UGGT2: variants seen among roughly 807,000 people sequenced by gnomAD.
UGGT2 encodes UDP-glucose glycoprotein glucosyltransferase 2.
A neutral mutation model predicts 192.1 loss-of-function variants in UGGT2; 180 were observed. The observed-to-expected ratio is 0.94, with a 90% CI of 0.83 to 1.06. UGGT2 has a LOEUF of 1.06. UGGT2 is among the 50% of genes least tolerant of loss of function. UGGT2 has a pLI of 0.00. For missense variants in UGGT2, 1,849 were observed against 1,795.7 expected, an observed-to-expected ratio of 1.03 and a Z score of -0.54; for synonymous variants, 580 against 591.0, an observed-to-expected ratio of 0.98 and a Z score of 0.27.
chr13:96,041,946 A>G (rs2053176624), intron 1 of UGGT2, among the ~76,000 whole-genome samples: 1 of 152,024 alleles, frequency 6.6e-6, no homozygotes, highest in African/African-American at 2.4e-5. Flanking sequence ...TCACCATGGT[A>G]GCTGAAGACA....
intron 38 of UGGT2, among the ~76,000 whole-genome samples, chr13:95,812,279 A>T (rs2139746834): frequency 6.6e-6 from 1 of 152,336 alleles, no homozygotes; most frequent in South Asian, 2.1e-4. Context: ...CCATTTAAAA[A>T]TGTAAAAACA....
intron 12 of UGGT2, among the ~76,000 whole-genome samples, chr13:95,964,767 T>C (rs901374685): frequency 6.6e-6 from 1 of 151,988 alleles, no homozygotes; most frequent in Non-Finnish European, 1.5e-5. Flanking sequence ...ACTAAAGAGC[T>C]TCTGCACAGC....
intron 17 of UGGT2, among the ~76,000 whole-genome samples, chr13:95,931,804 C>T (rs1343565744): frequency 1.3e-5 from 2 of 152,104 alleles, no homozygotes; most frequent in Non-Finnish European, 2.9e-5. Context: ...GCCCTGGTTC[C>T]CGCCCGCGCC....
rs369192310 is a variant in UGGT2, at chr13:96,021,198, T to G, written c.485+1842A>C. 3.1e-4 allele frequency among the ~76,000 whole-genome samples: 47 copies of G among 152,090 alleles called. No individual in the cohort carries two copies. In the East Asian group the frequency reaches 8.3e-3, roughly 27 times the overall value. On this transcript the variant is annotated intron_variant, in intron 4 of 38. Transcript: ENST00000376747. Reference sequence around the variant, plus strand: ...CCTGAGAAATGGCCCAGGTAAAGAGTGGTCAGGACCTTGCATTTTTTGCTG... The same window carrying G: ...CCTGAGAAATGGCCCAGGTAAAGAGGGGTCAGGACCTTGCATTTTTTGCTG...
intron 12 of UGGT2, among the ~76,000 whole-genome samples, chr13:95,950,621 C>T (rs1338446353): frequency 6.9e-6 from 1 of 144,778 alleles, no homozygotes; most frequent in African/African-American, 2.5e-5. Context: ...AATAAAAAAC[C>T]CCAAAGATTA....
intron 1 of UGGT2, among the ~76,000 whole-genome samples, chr13:96,045,484 A>G (rs1030949815): frequency 2.0e-5 from 3 of 152,234 alleles, no homozygotes; most frequent in African/African-American, 7.2e-5. Flanking sequence ...AGTCCTAGTC[A>G]GAACAATCAG....
At chr13:95,955,347 T>C (rs1348970964) in intron 12 of UGGT2, among the ~76,000 whole-genome samples, 2 of 152,078 alleles carry the variant, frequency 1.3e-5, no homozygotes, top group Non-Finnish European at 2.9e-5. Flanking sequence ...TCCAGAAAAG[T>C]TGCAATAGGC....
chr13:95,941,693 A>G (rs1264079052), intron 15 of UGGT2, among the ~76,000 whole-genome samples: 1 of 152,218 alleles, frequency 6.6e-6, no homozygotes, highest in South Asian at 2.1e-4. Context: ...CAATCCTCTT[A>G]CACATTTTTA....
At chr13:95,804,551 T>C (rs1385024274) in intron 38 of UGGT2, among the ~76,000 whole-genome samples, 2 of 152,158 alleles carry the variant, frequency 1.3e-5, no homozygotes, top group Non-Finnish European at 2.9e-5. Context: ...TTTTATAACA[T>C]ATTACAAAGC....
intron 36 of UGGT2, among the ~76,000 whole-genome samples, chr13:95,845,163 A>G (rs1236079244): frequency 7.3e-6 from 1 of 137,718 alleles, no homozygotes; most frequent in Admixed American, 7.1e-5. Context: ...GATTCATGAT[A>G]TAAGATCCTT....
intron 2 of UGGT2, among the ~76,000 whole-genome samples, 199 bp from the exon 3 acceptor site, chr13:96,023,958 A>C (rs2052591383): frequency 6.6e-6 from 1 of 152,218 alleles, no homozygotes; most frequent in South Asian, 2.1e-4. Context: ...ATGTCCAAGT[A>C]ATCAACATGA....
chr13:96,053,049 G>A (rs898622411), intron 1 of UGGT2, 106 bp downstream of exon 1: 1 of 1,367,958 alleles, frequency 7.3e-7, no homozygotes, highest in African/African-American at 1.5e-5. Flanking sequence ...GGGGCGTCTG[G>A]AGAACCCGGG....
intron 38 of UGGT2, among the ~76,000 whole-genome samples, chr13:95,815,672 C>A (rs1256936610): frequency 1.3e-5 from 2 of 152,104 alleles, no homozygotes; most frequent in East Asian, 3.8e-4. Flanking sequence ...TCTCAGTGGG[C>A]TTTTTTGTTT....
intron 20 of UGGT2, among the ~76,000 whole-genome samples, chr13:95,921,080 A>G (rs1368297680): frequency 2.0e-5 from 3 of 152,154 alleles, no homozygotes; most frequent in Admixed American, 2.0e-4. Context: ...ATCCTCAGCA[A>G]ACTAACACAG....
At chr13:96,046,839 A>G (rs1351580994) in intron 1 of UGGT2, among the ~76,000 whole-genome samples, 1 of 152,234 alleles carries the variant, frequency 6.6e-6, no homozygotes, top group African/African-American at 2.4e-5. Flanking sequence ...CATGGCTTGA[A>G]GAGTCCCATG....
chr13:96,008,284 C>T (rs965767270), intron 5 of UGGT2, among the ~76,000 whole-genome samples: 3 of 152,060 alleles, frequency 2.0e-5, no homozygotes, highest in African/African-American at 7.2e-5. Flanking sequence ...TTGACAAATA[C>T]CCATCTGACA....
intron 36 of UGGT2, among the ~76,000 whole-genome samples, chr13:95,841,949 C>T (rs1044599689): frequency 6.6e-6 from 1 of 152,040 alleles, no homozygotes; most frequent in African/African-American, 2.4e-5. Context: ...CTATTCTTTC[C>T]CCATTAAGTT....
chr13:95,859,764 AATTTT>A, intron 32 of UGGT2, 89 bp from the exon 33 acceptor site: 1 of 969,760 alleles, frequency 1.0e-6, no homozygotes, highest in Non-Finnish European at 1.5e-6. Context: ...TTTAAAATTT[AATTTT>A]AATTTCTTAA....
At chr13:96,032,737 G>A (rs1264060562) in intron 1 of UGGT2, among the ~76,000 whole-genome samples, 1 of 152,076 alleles carries the variant, frequency 6.6e-6, no homozygotes, top group Non-Finnish European at 1.5e-5. Flanking sequence ...CTCTAGGCTT[G>A]GTAAACTTAA....
Sources: gnomAD v4.1 joint callset for allele counts (sites outside exome capture counted in the v4.1 genomes callset) on GRCh38, gnomAD v4.1.1 for gene constraint, MANE v1.5 for transcripts, NCBI Gene and HGNC (gene_info 2026-07-23, HGNC 2026-07-21) for gene names.